DNAH8: variants seen among roughly 807,000 people sequenced by gnomAD.
DNAH8 encodes dynein axonemal heavy chain 8.
In DNAH8, 382 loss-of-function variants were observed where a neutral mutation model predicts 562.1. The observed-to-expected ratio is 0.68, with a 90% CI of 0.63 to 0.74. The LOEUF (loss-of-function observed/expected upper bound fraction) is 0.74. Ranked by LOEUF, DNAH8 falls within the 30% of genes least tolerant of loss-of-function variation. DNAH8 has a pLI of 0.00. For missense variants in DNAH8, 5,203 were observed against 5,620.4 expected (o/e 0.93, Z 2.37); for synonymous variants, 1,881 against 1,919.4 (o/e 0.98, Z 0.52).
At chr6:38,953,963 G>C (rs1762086262) in intron 82 of DNAH8, among the ~76,000 whole-genome samples, 1 of 151,896 alleles carries the variant, frequency 6.6e-6, no homozygotes, top group Non-Finnish European at 1.5e-5. Flanking sequence ...GATCTCATTG[G>C]TCTTTCTTTT....
At position 38,715,960 on chromosome 6, in the gene DNAH8, A is replaced by ATATAT. The variant is rs1372342002; in HGVS notation, c.-35+546_-35+547insATATT. On this transcript the variant is annotated intron_variant, in intron 1 of 92. Transcript: ENST00000327475. ...TATATATATATATATATATATATAT[A>ATATAT]TTTTTTTTTTTTTTTTGAGACGGAG... Among the ~76,000 whole-genome samples, 59 of 23,622 alleles carry ATATAT rather than the reference A, an allele frequency of 2.5e-3. 1 individual carries two copies. The highest frequency in any genetic ancestry group is 3.3e-3 in the Non-Finnish European group (53 of 16,044). 15.5% of individuals were successfully genotyped at this position (23,622 alleles called of 152,430 possible).
At chr6:38,885,644 T>C (rs1400866707) in intron 56 of DNAH8, among the ~76,000 whole-genome samples, 1 of 152,212 alleles carries the variant, frequency 6.6e-6, no homozygotes, top group Non-Finnish European at 1.5e-5. Context: ...TACTGATCTT[T>C]GTATACGCTG....
At chr6:38,722,131 G>A (rs192518936) in intron 1 of DNAH8, among the ~76,000 whole-genome samples, 10 of 152,314 alleles carry the variant, frequency 6.6e-5, no homozygotes, top group Admixed American at 2.6e-4. Context: ...AGGCAGGCTA[G>A]ATTTATGCTC....
chr6:38,727,862 G>A (rs1469551465), intron 3 of DNAH8, among the ~76,000 whole-genome samples: 1 of 152,178 alleles, frequency 6.6e-6, no homozygotes, highest in Non-Finnish European at 1.5e-5. Flanking sequence ...TCCAGTGACT[G>A]GGTGGCAGGG....
intron 88 of DNAH8, among the ~76,000 whole-genome samples, chr6:39,001,593 AG>A (rs1765488578): frequency 6.6e-6 from 1 of 152,102 alleles, no homozygotes; most frequent in Admixed American, 6.5e-5. Flanking sequence ...ATGCTTGATG[AG>A]CTTCAGGTAA....
intron 38 of DNAH8, 123 bp from the exon 39 acceptor site, chr6:38,851,449 T>C (rs1487970510): frequency 3.8e-5 from 23 of 610,900 alleles, no homozygotes; most frequent in Admixed American, 6.4e-5. Flanking sequence ...GGGTAGGTGA[T>C]AAGTGACTTT....
chr6:38,842,295 A>G (rs955382833), intron 33 of DNAH8, 73 bp from the exon 34 acceptor site: 2 of 1,234,484 alleles, frequency 1.6e-6, no homozygotes, highest in African/African-American at 3.0e-5. Flanking sequence ...GATTGGATGA[A>G]CTCTGCCTTT....
Position 38,883,397 on chromosome 6 carries a change from G to A in DNAH8, c.8077G>A (p.Glu2693Lys). The change falls in exon 55 of 93, where the codon GAA becomes AAA. Residue 2693 changes from glutamate (E) to lysine (K), a missense_variant. By Grantham distance (56) the Glu-to-Lys change is moderately conservative. Coordinates refer to ENST00000327475, the MANE Select transcript of DNAH8 (RefSeq NM_001206927.2). Reference sequence around the variant, plus strand: ...GGCCTATTTGAAAAAATATGATCCTGAAGTACAGCTATCCAAAAGTCTAAA... The same window carrying A: ...GGCCTATTTGAAAAAATATGATCCTAAAGTACAGCTATCCAAAAGTCTAAA... ...VKAYLKKYDP[E>K]VQLSKSLNFS... 1 of 1,613,174 alleles carries A rather than the reference G, an allele frequency of 6.2e-7. No homozygotes were observed. Among genetic ancestry groups the A allele is most frequent in the Non-Finnish European group, 8.5e-7 (1 of 1,179,506 alleles).
chr6:38,794,270 C>G (rs967414952), intron 21 of DNAH8, among the ~76,000 whole-genome samples: 1 of 151,578 alleles, frequency 6.6e-6, no homozygotes, highest in Non-Finnish European at 1.5e-5. Flanking sequence ...GGGTAGGTCT[C>G]ATTTCTAGCC....
chr6:38,789,614 A>G (rs1769507295), intron 18 of DNAH8, among the ~76,000 whole-genome samples, 189 bp from the exon 19 acceptor site: 1 of 152,340 alleles, frequency 6.6e-6, no homozygotes, highest in South Asian at 2.1e-4. Flanking sequence ...GACTTGTTTA[A>G]AGGAGATGCT....
intron 53 of DNAH8, among the ~76,000 whole-genome samples, chr6:38,879,306 C>CA (rs1029294971): frequency 1.8e-5 from 2 of 112,180 alleles, no homozygotes; most frequent in African/African-American, 6.1e-5. Flanking sequence ...AAAACAAAAA[C>CA]AAAAAAAACT....
rs756356607 is a variant in DNAH8, at chr6:38,729,907, A to G, written c.531A>G (p.Glu177=). 3.9e-6 allele frequency: 6 copies of G among 1,548,016 alleles called. No individual in the cohort carries two copies. The South Asian group carries it at 5.8e-5, about 15-fold the overall frequency. The change falls in exon 4 of 93, where the codon GAA becomes GAG. Residue 177 remains glutamate, a synonymous_variant. Coordinates refer to ENST00000327475, the MANE Select transcript of DNAH8 (RefSeq NM_001206927.2). ...TTTTCTCTTTTATTTAACAGCTGGAAGCATTTACTAATTTTTTTGCGAAAG... is the reference window on the plus strand; with the variant it reads ...TTTTCTCTTTTATTTAACAGCTGGAGGCATTTACTAATTTTTTTGCGAAAG... ...EELILDCPSL[E]AFTNFFAKDG...
intron 55 of DNAH8, 35 bp downstream of exon 55, chr6:38,883,491 T>G (rs1158501599): frequency 6.4e-7 from 1 of 1,560,066 alleles, no homozygotes; most frequent in Non-Finnish European, 8.7e-7. Context: ...ATTATAAACA[T>G]AATACATTTT....
chr6:38,817,389 A>C (rs1284690604), intron 26 of DNAH8, among the ~76,000 whole-genome samples: 1 of 152,192 alleles, frequency 6.6e-6, no homozygotes, highest in South Asian at 2.1e-4. Flanking sequence ...GGTAAGCTAC[A>C]CAACCAGGTG....
At chr6:38,794,467 A>G (rs1223916538) in intron 21 of DNAH8, among the ~76,000 whole-genome samples, 1 of 152,230 alleles carries the variant, frequency 6.6e-6, no homozygotes, top group African/African-American at 2.4e-5. Flanking sequence ...GAACGTTTAC[A>G]TATGATACAC....
At chr6:38,921,259 T>C in intron 70 of DNAH8, 110 bp from the exon 71 acceptor site, 1 of 1,254,930 alleles carries the variant, frequency 8.0e-7, no homozygotes, top group Non-Finnish European at 1.1e-6. Context: ...GAAACAGATG[T>C]GCTCGAAAGT....
At chr6:38,895,850 T>C (rs1165107335) in intron 59 of DNAH8, among the ~76,000 whole-genome samples, 183 bp from the exon 60 acceptor site, 2 of 152,232 alleles carry the variant, frequency 1.3e-5, no homozygotes, top group Non-Finnish European at 2.9e-5. Context: ...CTATAAGTAG[T>C]GCTGTTAATG....
At position 38,852,675 on chromosome 6, in the gene DNAH8, G is replaced by A. The variant is rs9369085; in HGVS notation, c.5467-19G>A. 0.43 allele frequency: 682,228 copies of A among 1,585,792 alleles called. 151,351 individuals are homozygous for A. The highest frequency in any genetic ancestry group is 0.69 in the East Asian group (30,877 of 44,698). On this transcript the variant is annotated intron_variant, in intron 39 of 92. Transcript: ENST00000327475. ...TTTTGTGTCCAGCCTCATGTGTGAC[G>A]TTTTCCTCTGTCTTACAGCCGCATC...
chr6:38,727,055 ACCATCTTGG>A (rs1763288523), intron 3 of DNAH8, among the ~76,000 whole-genome samples: 1 of 151,658 alleles, frequency 6.6e-6, no homozygotes, highest in South Asian at 2.1e-4. Flanking sequence ...ACGGGGTTTC[ACCATCTTGG>A]CCAGGCTGGT....
Sources: allele counts gnomAD v4.1 joint callset (sites outside exome capture counted in the v4.1 genomes callset), GRCh38; gene constraint gnomAD v4.1.1; transcripts MANE v1.5; gene names NCBI Gene and HGNC (gene_info 2026-07-23, HGNC 2026-07-21).